The following AKT3 variants were observed in gnomAD, a reference collection of about 807,000 sequenced individuals.
AKT3 encodes RAC-gamma serine/threonine-protein kinase.
A neutral mutation model predicts 65.3 loss-of-function variants in AKT3; 15 were observed. The ratio of observed to expected loss-of-function variants is 0.23; its 90% CI spans 0.15 to 0.35. The LOEUF (loss-of-function observed/expected upper bound fraction) is 0.35, where lower values mean the gene tolerates loss of function less well. Among genes scored for constraint, AKT3 ranks in the 10% least tolerant of loss-of-function variants. AKT3 has a pLI of 1.00. For missense variants in AKT3, 243 were observed against 576.5 expected, an observed-to-expected ratio of 0.42 and a Z score of 5.92; for synonymous variants, 206 against 183.8, an observed-to-expected ratio of 1.12 and a Z score of -0.98.
intron 2 of AKT3, among the ~76,000 whole-genome samples, chr1:243,699,289 G>T (rs1685266354): frequency 6.6e-6 from 1 of 151,474 alleles, no homozygotes; most frequent in Admixed American, 6.6e-5. Flanking sequence ...ACACAACCTG[G>T]TTAAAATGGA....
chr1:243,743,321 G>A (rs1688278574), intron 2 of AKT3, among the ~76,000 whole-genome samples: 1 of 152,120 alleles, frequency 6.6e-6, no homozygotes, highest in South Asian at 2.1e-4. Context: ...GACCATCCTG[G>A]CAAAGAAATT....
chr1:243,701,429 C>T (rs541338204), intron 2 of AKT3, among the ~76,000 whole-genome samples: 79 of 152,244 alleles, frequency 5.2e-4, no homozygotes, highest in Admixed American at 2.2e-3. Context: ...TGCAGAAATA[C>T]TCATCTCTAC....
chr1:243,758,424 A>G (rs867280278), intron 2 of AKT3, among the ~76,000 whole-genome samples: 1 of 152,184 alleles, frequency 6.6e-6, no homozygotes, highest in Non-Finnish European at 1.5e-5. Context: ...CAAGGCTTTA[A>G]GATGGAAAAT....
At position 243,784,266 on chromosome 1, in the gene AKT3, AAC is replaced by A. The variant is rs1335705510; in HGVS notation, c.46+58857_46+58858del. ...GTGCAGAAATCCTGACATGAGAACA[AAC>A]ATAATCCATTTGAGGAACAGAAAGA... On this transcript the variant is annotated intron_variant, in intron 2 of 13. Coordinates refer to ENST00000673466, the MANE Select transcript of AKT3 (RefSeq NM_005465.7). 3.9e-5 allele frequency among the ~76,000 whole-genome samples: 6 copies of A among 152,184 alleles called. No homozygotes were observed. In the East Asian group the frequency reaches 1.2e-3, roughly 29 times the overall value.
intron 2 of AKT3, among the ~76,000 whole-genome samples, chr1:243,837,139 G>C (rs1436230953): frequency 6.6e-6 from 1 of 151,950 alleles, no homozygotes; most frequent in Non-Finnish European, 1.5e-5. Flanking sequence ...CTGGGCAATG[G>C]AGCAAATCTT....
chr1:243,686,516 T>C (rs1370542573), intron 3 of AKT3, among the ~76,000 whole-genome samples: 1 of 150,752 alleles, frequency 6.6e-6, no homozygotes, highest in African/African-American at 2.4e-5. Context: ...CTCACTCCAA[T>C]GTAATTTAGC....
intron 2 of AKT3, among the ~76,000 whole-genome samples, chr1:243,780,717 CT>C (rs1690854904): frequency 6.6e-6 from 1 of 151,680 alleles, no homozygotes; most frequent in Admixed American, 6.6e-5. Context: ...AGCATATAAA[CT>C]TTGTAATTGT....
intron 8 of AKT3, among the ~76,000 whole-genome samples, chr1:243,601,699 T>A (rs1342821631): frequency 6.6e-6 from 1 of 152,176 alleles, no homozygotes; most frequent in Non-Finnish European, 1.5e-5. Flanking sequence ...AACATATGAC[T>A]GTACATCACA....
intron 2 of AKT3, among the ~76,000 whole-genome samples, chr1:243,798,407 T>G (rs1459136281): frequency 7.4e-6 from 1 of 135,612 alleles, no homozygotes; most frequent in Non-Finnish European, 1.6e-5. Context: ...TTTTTTTTTT[T>G]TTTTTTTTTT....
chr1:243,647,101 T>C (rs778089418), intron 4 of AKT3, among the ~76,000 whole-genome samples: 6 of 152,216 alleles, frequency 3.9e-5, no homozygotes, highest in Non-Finnish European at 7.3e-5. Context: ...TCTACATTTA[T>C]ACAGGTCTTT....
intron 2 of AKT3, among the ~76,000 whole-genome samples, chr1:243,697,844 C>T (rs1056315623): frequency 1.3e-5 from 2 of 152,006 alleles, no homozygotes; most frequent in Non-Finnish European, 2.9e-5. Flanking sequence ...GGTGATAATA[C>T]TCTACATGCC....
intron 2 of AKT3, among the ~76,000 whole-genome samples, chr1:243,767,094 G>A (rs1689875089): frequency 6.6e-6 from 1 of 152,256 alleles, no homozygotes; most frequent in Admixed American, 6.5e-5. Flanking sequence ...GACAGCAGAA[G>A]AGCTAAGAAT....
chr1:243,754,683 T>C (rs1295227356), intron 2 of AKT3, among the ~76,000 whole-genome samples: 2 of 152,124 alleles, frequency 1.3e-5, no homozygotes, highest in Admixed American at 1.3e-4. Context: ...GGGATCTAGG[T>C]TGCATGGTCC....
chr1:243,610,060 A>G (rs1015238431), intron 8 of AKT3, among the ~76,000 whole-genome samples: 4 of 152,216 alleles, frequency 2.6e-5, no homozygotes, highest in African/African-American at 4.8e-5. Flanking sequence ...TCAGATTTCT[A>G]TGCCCTAGAT....
chr1:243,572,925 C>A lies in AKT3; in HGVS notation c.819+1G>T, dbSNP rs1179342420. On this transcript the variant is annotated splice_donor_variant, in intron 9 of 13. Coordinates refer to ENST00000673466, the MANE Select transcript of AKT3 (RefSeq NM_005465.7). LOFTEE classifies it high-confidence loss of function. ...TTTGATTACTTTTTTTTTTTTTTTA[C>A]CTTGAGATCACGGTACACAATCTTT... 6.4e-7 allele frequency: 1 copy of A among 1,570,172 alleles called. No homozygotes were observed. Among genetic ancestry groups the A allele is most frequent in the Non-Finnish European group, 8.6e-7 (1 of 1,163,126 alleles).
chr1:243,520,110 C>T (rs1295344080), intron 12 of AKT3, among the ~76,000 whole-genome samples: 1 of 152,080 alleles, frequency 6.6e-6, no homozygotes, highest in Admixed American at 6.5e-5. Flanking sequence ...AAACCCTAAC[C>T]CCAAGTACCT....
intron 2 of AKT3, among the ~76,000 whole-genome samples, chr1:243,790,465 G>A (rs1166859142): frequency 2.0e-5 from 3 of 152,254 alleles, no homozygotes; most frequent in East Asian, 1.9e-4. Context: ...AAGAGAGTTA[G>A]GGCCTGCCTC....
At chr1:243,703,819 T>C (rs1685629092) in intron 2 of AKT3, among the ~76,000 whole-genome samples, 1 of 151,670 alleles carries the variant, frequency 6.6e-6, no homozygotes, top group South Asian at 2.1e-4. Context: ...TCATATTATC[T>C]ACATTGCAAT....
At position 243,550,789 on chromosome 1, in the gene AKT3, C is replaced by CAAAAAAA. The variant is rs60834632; in HGVS notation, c.1163+1933_1163+1939dup. Reference sequence around the variant, plus strand: ...TGAAACCCCATCTCTACTAAAATACCAAAAAAAAAAAAAAAAAAAAAAAGC... The same window carrying CAAAAAAA: ...TGAAACCCCATCTCTACTAAAATACCAAAAAAAAAAAAAAAAAAAAAAAAAAAAAAGC... On this transcript the variant is annotated intron_variant, in intron 11 of 13. Coordinates refer to ENST00000673466, the MANE Select transcript of AKT3 (RefSeq NM_005465.7). 4.5e-4 allele frequency among the ~76,000 whole-genome samples: 15 copies of CAAAAAAA among 33,690 alleles called. 3 individuals carry two copies. Among genetic ancestry groups the CAAAAAAA allele is most frequent in the Admixed American group, 1.1e-3 (2 of 1,774 alleles). 22.1% of individuals were successfully genotyped at this position (33,690 alleles called of 152,430 possible).
Sources: gnomAD v4.1 joint callset for allele counts (sites outside exome capture counted in the v4.1 genomes callset) on GRCh38, gnomAD v4.1.1 for gene constraint, MANE v1.5 for transcripts, NCBI Gene and HGNC (gene_info 2026-07-23, HGNC 2026-07-21) for gene names.